The following MYT1L variants were observed in gnomAD, a reference collection of about 807,000 sequenced individuals.
MYT1L encodes myelin transcription factor 1-like protein.
A neutral mutation model predicts 126.7 loss-of-function variants in MYT1L; 12 were observed. The ratio of observed to expected loss-of-function variants is 0.09; its 90% CI spans 0.06 to 0.15. The LOEUF is 0.15. Among genes scored for constraint, MYT1L ranks in the 10% least tolerant of loss-of-function variants. The pLI is 1.00. For missense variants in MYT1L, 979 were observed against 1,585.2 expected (o/e 0.62, Z 6.49); for synonymous variants, 541 against 604.2 (o/e 0.90, Z 1.53).
intron 4 of MYT1L, among the ~76,000 whole-genome samples, chr2:2,007,187 T>C (rs182565708): frequency 3.8e-3 from 573 of 152,256 alleles, no homozygotes; most frequent in Middle Eastern, 0.014. Flanking sequence ...TTGTCTCCTT[T>C]GGAATTTCCT....
intron 1 of MYT1L, among the ~76,000 whole-genome samples, chr2:2,296,766 G>A (rs1198712942): frequency 2.0e-5 from 3 of 152,058 alleles, no homozygotes; most frequent in African/African-American, 7.3e-5. Context: ...GCTGGTGGAT[G>A]GTCTCGGCCT....
At chr2:1,846,904 T>C (rs2042574930) in intron 19 of MYT1L, among the ~76,000 whole-genome samples, 1 of 152,290 alleles carries the variant, frequency 6.6e-6, no homozygotes, top group African/African-American at 2.4e-5. Flanking sequence ...GACCTGAGAC[T>C]CTCCAAGGCA....
chr2:1,884,183 AG>A (rs1475787008), intron 18 of MYT1L: 1 of 152,238 alleles, frequency 6.6e-6, no homozygotes, highest in Non-Finnish European at 1.5e-5. Flanking sequence ...TGTATTGTAG[AG>A]AATAATTTTG....
rs2053034243 is a variant in MYT1L, at chr2:1,917,626, G to A, written c.1484-287C>T. The stretch of plus-strand genomic sequence containing the variant: ...TTCATTATTTTCCCGTGTGTTACAT[G>A]ATAAGCTGTGTTGCTCAAAGGAATC... On this transcript the variant is annotated intron_variant, in intron 10 of 24. Transcript: ENST00000647738. This position sits in a 1 kb window ranked among gnomAD's most constrained non-coding sequence, Gnocchi z 5.9. Among the ~76,000 whole-genome samples, 1 of 152,148 alleles carries A rather than the reference G, an allele frequency of 6.6e-6. No homozygotes were observed. The highest frequency in any genetic ancestry group is 2.4e-5 in the African/African-American group (1 of 41,420).
chr2:1,877,976 A>G (rs2047128896), intron 18 of MYT1L, among the ~76,000 whole-genome samples: 1 of 152,248 alleles, frequency 6.6e-6, no homozygotes, highest in South Asian at 2.1e-4. Flanking sequence ...CAGGCTTCCA[A>G]GAACTTGAAG....
At chr2:2,122,404 A>G (rs2081147437) in intron 3 of MYT1L, among the ~76,000 whole-genome samples, 1 of 152,174 alleles carries the variant, frequency 6.6e-6, no homozygotes, top group Non-Finnish European at 1.5e-5. Context: ...GGAAGCACCC[A>G]GGGCATCAGA....
intron 18 of MYT1L, among the ~76,000 whole-genome samples, chr2:1,885,874 T>C (rs1217894555): frequency 1.3e-5 from 2 of 152,208 alleles, no homozygotes; most frequent in Admixed American, 1.3e-4. Flanking sequence ...TGTCTGGACC[T>C]ACATCTAGAG....
chr2:2,146,875 C>T (rs2084959488), intron 3 of MYT1L, among the ~76,000 whole-genome samples: 1 of 152,160 alleles, frequency 6.6e-6, no homozygotes, highest in South Asian at 2.1e-4. Flanking sequence ...TGACCTTGAA[C>T]ATCCTTCACA....
intron 14 of MYT1L, among the ~76,000 whole-genome samples, chr2:1,900,370 A>G (rs1452846653): frequency 6.6e-6 from 1 of 150,638 alleles, no homozygotes; most frequent in Non-Finnish European, 1.5e-5. Flanking sequence ...CATGATCTCC[A>G]CTTACTGCAA....
rs138369478 is a variant in MYT1L, at chr2:1,793,719, G to A, written c.3277-1255C>T. ...CAGCCCCCACCATTCCTGCAGGGAC[G>A]GTCCCCTGTGGAGAACACACTGAAA... On this transcript the variant is annotated intron_variant, in intron 23 of 24. Coordinates refer to ENST00000647738, the MANE Select transcript of MYT1L (RefSeq NM_001303052.2). The surrounding 1 kb of genome is among the most constrained non-coding windows in gnomAD (Gnocchi z 4.6). Among the ~76,000 whole-genome samples, 128 of 152,294 alleles carry A rather than the reference G, an allele frequency of 8.4e-4. No homozygotes were observed. The highest frequency in any genetic ancestry group is 2.9e-3 in the African/African-American group (119 of 41,568).
At chr2:1,969,300 G>A (rs781732666) in intron 8 of MYT1L, among the ~76,000 whole-genome samples, 4 of 152,222 alleles carry the variant, frequency 2.6e-5, no homozygotes, top group African/African-American at 4.8e-5. Flanking sequence ...GGCAGAATGC[G>A]TGCTGGTCTT....
At chr2:1,903,685 TA>T (rs2050641252) in intron 13 of MYT1L, among the ~76,000 whole-genome samples, 1 of 152,052 alleles carries the variant, frequency 6.6e-6, no homozygotes, top group Non-Finnish European at 1.5e-5. Flanking sequence ...GTTGCCTCGA[TA>T]AAAAATCCCC....
chr2:2,232,761 A>G (rs558862097), intron 2 of MYT1L, among the ~76,000 whole-genome samples: 4 of 152,304 alleles, frequency 2.6e-5, no homozygotes, highest in African/African-American at 9.6e-5. Flanking sequence ...GGCAGTGTGG[A>G]GCAATGATGA....
rs75981114 is a variant in MYT1L, at chr2:2,215,746, A to G, written c.-420-42758T>C. Among the ~76,000 whole-genome samples the G allele has an allele frequency of 5.5e-3, 833 of 152,304 alleles. 5 individuals carry two copies. The highest frequency in any genetic ancestry group is 0.019 in the African/African-American group (775 of 41,560). ...TAATTCATATTATTTTCAAGTCCAC[A>G]GTGAACATTTACCAAGTGATATAGT... is the stretch of plus-strand genomic sequence containing the variant. On this transcript the variant is annotated intron_variant, in intron 2 of 24. Transcript: ENST00000647738.
intron 21 of MYT1L, chr2:1,816,643 G>A (rs887105794): frequency 3.3e-5 from 5 of 152,784 alleles, no homozygotes; most frequent in Non-Finnish European, 4.4e-5. Flanking sequence ...CGCATAAAAT[G>A]AGGATGGACA....
intron 18 of MYT1L, among the ~76,000 whole-genome samples, chr2:1,882,287 A>G (rs1273327775): frequency 6.6e-6 from 1 of 152,026 alleles, no homozygotes; most frequent in Non-Finnish European, 1.5e-5. Context: ...ACACCCGAGA[A>G]ACCCCAGGCC....
rs1404815999 is a variant in MYT1L at position 1,912,597 on chromosome 2, G to T, written c.1619-487C>A. ...TGGAAACACACAGCATTATGAACGT[G>T]TGGTGGGTAGATGAATACAGAACCA... On this transcript the variant is annotated intron_variant, in intron 11 of 24. Transcript: ENST00000647738. This position sits in a 1 kb window ranked among gnomAD's most constrained non-coding sequence, Gnocchi z 4.3. Among the ~76,000 whole-genome samples, 7 of 152,190 alleles carry T rather than the reference G, an allele frequency of 4.6e-5. No homozygotes were observed. Among genetic ancestry groups the T allele is most frequent in the African/African-American group, 1.4e-4 (6 of 41,442 alleles).
chr2:1,798,161 TCCC>T (rs2034112972), intron 23 of MYT1L, among the ~76,000 whole-genome samples: 2 of 47,230 alleles, frequency 4.2e-5, no homozygotes, highest in African/African-American at 9.0e-5. Flanking sequence ...CGCGGCGGTC[TCCC>T]TCCATCCGGC....
chr2:1,955,911 C>G (rs1025989191), intron 8 of MYT1L, among the ~76,000 whole-genome samples: 3 of 152,210 alleles, frequency 2.0e-5, no homozygotes, highest in East Asian at 1.9e-4. Context: ...TGCTGCCCCA[C>G]TCTAAAGTCA....
Sources: gnomAD v4.1 joint callset for allele counts (sites outside exome capture counted in the v4.1 genomes callset) on GRCh38, gnomAD v4.1.1 for gene constraint, Gnocchi (gnomAD v3.1) non-coding constraint, MANE v1.5 for transcripts, NCBI Gene and HGNC (gene_info 2026-07-23, HGNC 2026-07-21) for gene names.